SGCD: variants seen among roughly 807,000 people sequenced by gnomAD.
SGCD encodes delta-sarcoglycan.
A neutral mutation model predicts 36.6 loss-of-function variants in SGCD; 18 were observed. The ratio of observed to expected loss-of-function variants is 0.49; its 90% CI spans 0.34 to 0.73. The LOEUF (loss-of-function observed/expected upper bound fraction) is 0.73, where lower values mean the gene tolerates loss of function less well. Among genes scored for constraint, SGCD ranks in the 30% least tolerant of loss-of-function variants. SGCD has a pLI of 0.01. For synonymous variants in SGCD, 133 were observed against 130.6 expected (o/e 1.02, Z -0.12); for missense variants, 387 against 346.7 (o/e 1.12, Z -0.92).
intron 7 of SGCD, among the ~76,000 whole-genome samples, chr5:156,712,743 G>A (rs542286310): frequency 5.3e-5 from 8 of 152,170 alleles, no homozygotes; most frequent in Admixed American, 2.0e-4. Context: ...CTCCACCCTC[G>A]GACTTGTGTG....
At chr5:155,916,759 A>T (rs531165371) in intron 1 of SGCD, among the ~76,000 whole-genome samples, 9 of 152,256 alleles carry the variant, frequency 5.9e-5, no homozygotes, top group Non-Finnish European at 1.3e-4. Context: ...GAGTGACAGT[A>T]ACAGTAACAA....
intron 1 of SGCD, among the ~76,000 whole-genome samples, chr5:155,948,081 G>T (rs545706447): frequency 5.3e-5 from 8 of 152,218 alleles, no homozygotes; most frequent in Non-Finnish European, 1.2e-4. Context: ...GTTCAAGACT[G>T]GGTGACCAAC....
chr5:155,936,352 C>T (rs1757201283), intron 1 of SGCD, among the ~76,000 whole-genome samples: 2 of 152,222 alleles, frequency 1.3e-5, no homozygotes, highest in East Asian at 1.9e-4. Context: ...AGCTCAGGGG[C>T]GACCCTGGGA....
chr5:156,196,028 G>A (rs938080774), intron 3 of SGCD, among the ~76,000 whole-genome samples: 5 of 152,116 alleles, frequency 3.3e-5, no homozygotes, highest in Non-Finnish European at 5.9e-5. Flanking sequence ...CATCCAAGGA[G>A]GGCCCCTTTT....
intron 1 of SGCD, among the ~76,000 whole-genome samples, chr5:155,891,086 G>A (rs1193578177): frequency 6.6e-6 from 1 of 152,204 alleles, no homozygotes; most frequent in East Asian, 1.9e-4. Context: ...TGTGTTGGAA[G>A]AGAAAGAGAA....
chr5:156,186,227 A>G (rs1467892422), intron 3 of SGCD, among the ~76,000 whole-genome samples: 6 of 152,108 alleles, frequency 3.9e-5, no homozygotes, highest in Admixed American at 1.3e-4. Flanking sequence ...AGTGAAGGTA[A>G]CATATTAATA....
At chr5:155,996,868 GATAGATA>G (rs58375690) in intron 1 of SGCD, among the ~76,000 whole-genome samples, 28,867 of 107,744 alleles carry the variant, frequency 0.27, 3,452 homozygotes, top group South Asian at 0.35. Flanking sequence ...TGGATGGATA[GATAGATA>G]GATAGATAGA....
chr5:155,790,667 T>C, the SGCD span, among the ~76,000 whole-genome samples: 1 of 152,060 alleles, frequency 6.6e-6, no homozygotes, highest in Non-Finnish European at 1.5e-5. Context: ...ATAGAATTGG[T>C]ATAAAAGACC....
chr5:156,489,961 A>G (rs1179965353), intron 3 of SGCD, among the ~76,000 whole-genome samples: 1 of 151,950 alleles, frequency 6.6e-6, no homozygotes, highest in Admixed American at 6.6e-5. Context: ...AAAATGGATA[A>G]AGCACTACCT....
At chr5:156,335,980 C>T (rs1023214480) in intron 2 of SGCD, among the ~76,000 whole-genome samples, 1 of 152,184 alleles carries the variant, frequency 6.6e-6, no homozygotes, top group African/African-American at 2.4e-5. Flanking sequence ...CTAGAGTGAT[C>T]CTGAAGTGAA....
At chr5:155,838,563 T>C in the SGCD span, among the ~76,000 whole-genome samples, 1 of 152,104 alleles carries the variant, frequency 6.6e-6, no homozygotes, top group African/African-American at 2.4e-5. Context: ...TGGGGATGCA[T>C]GGGGGTTTCT....
the SGCD span, among the ~76,000 whole-genome samples, chr5:155,799,324 T>C: frequency 6.6e-6 from 1 of 152,098 alleles, no homozygotes; most frequent in Non-Finnish European, 1.5e-5. Flanking sequence ...TACTGTTATA[T>C]GGTAGCAAAA....
intron 7 of SGCD, among the ~76,000 whole-genome samples, chr5:156,670,551 T>G (rs1385629854): frequency 6.6e-6 from 1 of 152,234 alleles, no homozygotes; most frequent in Non-Finnish European, 1.5e-5. Flanking sequence ...GAAGCCAGCC[T>G]TGTTTTATTC....
intron 1 of SGCD, among the ~76,000 whole-genome samples, chr5:155,942,718 A>G (rs1479086724): frequency 6.6e-6 from 1 of 151,416 alleles, no homozygotes; most frequent in East Asian, 1.9e-4. Flanking sequence ...ACACAGATAG[A>G]AACTATGATG....
At chr5:156,048,385 G>C (rs573432181) in intron 1 of SGCD, among the ~76,000 whole-genome samples, 10 of 152,246 alleles carry the variant, frequency 6.6e-5, no homozygotes, top group East Asian at 1.9e-4. Flanking sequence ...CTAGATCCCT[G>C]AGGAATCGCC....
At position 156,135,771 on chromosome 5, in the gene SGCD, T is replaced by C. The variant is rs556779216; in HGVS notation, c.-44+11752T>C. 5.9e-5 allele frequency among the ~76,000 whole-genome samples: 9 copies of C among 152,304 alleles called. 1 individual carries two copies. Among genetic ancestry groups the C allele is most frequent in the Admixed American group, 5.9e-4 (9 of 15,294 alleles). ...GTTTCCATACTTTGACTTTTTTTGGTATAAATGAATGTTAATGTCCCTGGA... is the reference window on the plus strand; with the variant it reads ...GTTTCCATACTTTGACTTTTTTTGGCATAAATGAATGTTAATGTCCCTGGA... On this transcript the variant is annotated intron_variant, in intron 3 of 9. Coordinates refer to the SGCD transcript ENST00000517913.
At chr5:155,845,859 T>G in the SGCD span, among the ~76,000 whole-genome samples, 1 of 152,212 alleles carries the variant, frequency 6.6e-6, no homozygotes, top group Non-Finnish European at 1.5e-5. Flanking sequence ...CTATCTGAAT[T>G]ATGCTGTCTC....
At chr5:156,728,902 A>C (rs974000814) in intron 7 of SGCD, among the ~76,000 whole-genome samples, 2 of 152,172 alleles carry the variant, frequency 1.3e-5, no homozygotes, top group African/African-American at 4.8e-5. Context: ...GTTGAGGATT[A>C]ATCGTTAAAT....
intron 7 of SGCD, among the ~76,000 whole-genome samples, chr5:156,702,082 A>G (rs1275047150): frequency 1.3e-5 from 2 of 152,212 alleles, no homozygotes; most frequent in Non-Finnish European, 2.9e-5. Context: ...TGTAAGAATG[A>G]GGCTTATGCA....
Sources: allele counts gnomAD v4.1 joint callset (sites outside exome capture counted in the v4.1 genomes callset), GRCh38; gene constraint gnomAD v4.1.1; transcripts MANE v1.5; gene names NCBI Gene and HGNC (gene_info 2026-07-23, HGNC 2026-07-21).